Variants in GAB4 observed in about 807,000 individuals in gnomAD.
The protein encoded by GAB4 is GRB2-associated-binding protein 4.
In GAB4, 26 loss-of-function variants were observed where a neutral mutation model predicts 51.3. The ratio of observed to expected loss-of-function variants is 0.51; its 90% confidence interval spans 0.37 to 0.70. GAB4 has a LOEUF of 0.70. GAB4 is among the 30% of genes least tolerant of loss of function. The probability of loss-of-function intolerance (pLI) is 0.00; values close to 1 mark genes in which losing one functional copy is unlikely to be tolerated. For missense variants in GAB4, 759 were observed against 734.6 expected (o/e 1.03, Z -0.38); for synonymous variants, 329 against 291.2 (o/e 1.13, Z -1.32).
intron 5 of GAB4, among the ~76,000 whole-genome samples, chr22:16,968,069 G>A (rs2060696011): frequency 6.6e-6 from 1 of 152,160 alleles, no homozygotes; most frequent in African/African-American, 2.4e-5. Flanking sequence ...CACAGGGCTG[G>A]TAAGACTTGT....
chr22:17,006,964 C>T (rs564463510), intron 1 of GAB4, among the ~76,000 whole-genome samples: 6 of 152,148 alleles, frequency 3.9e-5, no homozygotes, highest in African/African-American at 1.4e-4. Flanking sequence ...ATGTAACAAA[C>T]CTCCACGTTC....
rs779207487 is a variant in GAB4 at position 17,008,061 on chromosome 22, T to G, written c.54A>C (p.Ala18=). 1.9e-6 allele frequency: 3 copies of G among 1,607,734 alleles called. No homozygotes were observed. The Admixed American group carries it at 5.1e-5, about 27-fold the overall frequency. ...CGGGCCACGAAGACAAAGGCGCAAA[T>G]GCCGGGTCAGGTGGGCACAGCTCCC... is the stretch of plus-strand genomic sequence containing the variant. ...PSRELCPPDP[A]FAPLSSWPGS... is the part of the protein sequence containing the mutation. The change falls in exon 1 of 10, where the codon GCA becomes GCC. Residue 18 remains alanine, a synonymous_variant. Transcript: ENST00000400588.
At chr22:16,993,922 A>G (rs4819546) in intron 1 of GAB4, among the ~76,000 whole-genome samples, 123,114 of 152,106 alleles carry the variant, frequency 0.81, 50,519 homozygotes, top group African/African-American at 0.95. Flanking sequence ...TCACTGGGGA[A>G]CACAGAGAGT....
chr22:16,995,787 C>T (rs1460365669), intron 1 of GAB4, among the ~76,000 whole-genome samples: 1 of 152,152 alleles, frequency 6.6e-6, no homozygotes, highest in African/African-American at 2.4e-5. Context: ...GACACCCACG[C>T]AAAAACCCCA....
At chr22:16,993,893 C>T (rs1601283161) in intron 1 of GAB4, among the ~76,000 whole-genome samples, 1 of 152,168 alleles carries the variant, frequency 6.6e-6, no homozygotes. Flanking sequence ...CCTGCCTGTG[C>T]CTATAGCCCT....
chr22:16,964,612 A>C (rs5748765), intron 8 of GAB4, among the ~76,000 whole-genome samples, 154 bp downstream of exon 8: 86,534 of 151,920 alleles, frequency 0.57, 24,725 homozygotes, highest in Admixed American at 0.64. Flanking sequence ...TGCCTGATAC[A>C]CCTGTGCTCA....
At chr22:16,992,461 A>G (rs1477245911) in intron 1 of GAB4, among the ~76,000 whole-genome samples, 3 of 152,220 alleles carry the variant, frequency 2.0e-5, no homozygotes, top group African/African-American at 7.2e-5. Flanking sequence ...TCATTAGCCT[A>G]GAACACTGAC....
chr22:16,980,032 C>T (rs1384189903), intron 3 of GAB4, among the ~76,000 whole-genome samples: 2 of 152,056 alleles, frequency 1.3e-5, no homozygotes, highest in East Asian at 1.9e-4. Flanking sequence ...CAGACTTAAA[C>T]GTAAGACCTA....
intron 3 of GAB4, among the ~76,000 whole-genome samples, chr22:16,975,470 T>C (rs2123669358): frequency 6.6e-6 from 1 of 152,230 alleles, no homozygotes; most frequent in East Asian, 1.9e-4. Flanking sequence ...ATTCTTCCTC[T>C]CTGGGCAGGA....
intron 3 of GAB4, among the ~76,000 whole-genome samples, chr22:16,985,998 T>C (rs1228742363): frequency 2.0e-5 from 3 of 152,184 alleles, no homozygotes; most frequent in Non-Finnish European, 4.4e-5. Flanking sequence ...ACTGCTGTGG[T>C]GATTCAAAGA....
At chr22:16,987,810 A>C in intron 3 of GAB4, 150 bp downstream of exon 3, 2 of 607,590 alleles carry the variant, frequency 3.3e-6, no homozygotes, top group Non-Finnish European at 5.6e-6. Context: ...GGCTACATAA[A>C]CAAAAAATTA....
At position 16,966,329 on chromosome 22, in the gene GAB4, A is replaced by G; in HGVS notation, c.1059T>C (p.Ile353=). The part of the protein sequence containing the change: ...GRTLVGLSDS[I]ASEGSCVPMN... Reference sequence around the variant, plus strand: ...TGGGCACACAGCTGCCCTCAGAAGCAATGCTGTCTGACAGGCCCACAAGCG... The same window carrying G: ...TGGGCACACAGCTGCCCTCAGAAGCGATGCTGTCTGACAGGCCCACAAGCG... The change falls in exon 6 of 10, where the codon ATT becomes ATC. Residue 353 remains isoleucine, a synonymous_variant. Coordinates refer to ENST00000400588, the MANE Select transcript of GAB4 (RefSeq NM_001037814.1). 2 of 1,613,520 alleles carry G rather than the reference A, an allele frequency of 1.2e-6. No homozygotes were observed. Among genetic ancestry groups the G allele is most frequent in the South Asian group, 2.2e-5 (2 of 91,076 alleles).
intron 3 of GAB4, among the ~76,000 whole-genome samples, chr22:16,984,428 T>C (rs1482432234): frequency 6.6e-6 from 1 of 152,246 alleles, no homozygotes; most frequent in Non-Finnish European, 1.5e-5. Context: ...TACCATATGA[T>C]CCAGCAATCT....
Position 17,007,932 on chromosome 22 carries a change from C to CG in GAB4, c.174+8_174+9insC. 2.0e-5 allele frequency: 30 copies of CG among 1,480,424 alleles called. No individual in the cohort carries two copies. The highest frequency in any genetic ancestry group is 2.7e-5 in the Non-Finnish European group (30 of 1,121,528). 91.7% of individuals were successfully genotyped at this position (1,480,424 alleles called of 1,614,324 possible). On this transcript the variant is annotated intron_variant, in intron 1 of 9. Transcript: ENST00000400588. ...GCGCTCCTGGTACCGCCCCCACTGC[C>CG]CCACTCACAAAGAGCCTCAGCTTCT...
At chr22:16,968,445 G>A (rs1601249222) in intron 4 of GAB4, 62 bp from the exon 5 acceptor site, 8 of 1,188,730 alleles carry the variant, frequency 6.7e-6, no homozygotes, top group East Asian at 4.7e-5. Flanking sequence ...TGCCTCCCAC[G>A]CCCTCCCCAG....
chr22:16,969,633 T>C (rs2060712399), intron 4 of GAB4: 2 of 633,102 alleles, frequency 3.2e-6, no homozygotes, highest in African/African-American at 1.8e-5. Context: ...TCGGCTGTTG[T>C]CTACTGCAGG....
In GAB4 at chr22:16,982,287, A is replaced by T. The variant is rs184809787; in HGVS notation, c.686+5673T>A. Among the ~76,000 whole-genome samples, 66 of 152,340 alleles carry T rather than the reference A, an allele frequency of 4.3e-4. No individual in the cohort carries two copies. The East Asian group carries it at 9.5e-3, about 22-fold the overall frequency. On this transcript the variant is annotated intron_variant, in intron 3 of 9. Transcript: ENST00000400588. ...ATCTTATATTTAGGAAAACTTAAAA[A>T]TGCCAAAAGGCTGTTGGAACAGATA...
At position 17,006,431 on chromosome 22, in the gene GAB4, T is replaced by C. The variant is rs187430753; in HGVS notation, c.174+1510A>G. Among the ~76,000 whole-genome samples, 14 of 152,306 alleles carry C rather than the reference T, an allele frequency of 9.2e-5. No individual in the cohort carries two copies. The East Asian group carries it at 2.7e-3, about 29-fold the overall frequency. On this transcript the variant is annotated intron_variant, in intron 1 of 9. Transcript: ENST00000400588. ...TTGGAGTGTAAATTAGTTCAACTATTGTCAAAGACAGTGTGGCGACTCCTC... is the reference window on the plus strand; with the variant it reads ...TTGGAGTGTAAATTAGTTCAACTATCGTCAAAGACAGTGTGGCGACTCCTC...
intron 6 of GAB4, 118 bp from the exon 7 acceptor site, chr22:16,965,386 T>G (rs2060664425): frequency 1.3e-6 from 1 of 748,072 alleles, no homozygotes; most frequent in Non-Finnish European, 2.3e-6. Flanking sequence ...TCCACCCAGC[T>G]GTGTGCGGGG....
Sources: allele counts gnomAD v4.1 joint callset (sites outside exome capture counted in the v4.1 genomes callset), GRCh38; gene constraint gnomAD v4.1.1; transcripts MANE v1.5; gene names NCBI Gene and HGNC (gene_info 2026-07-23, HGNC 2026-07-21).